The following ARFGEF1 variants were observed in gnomAD, a reference collection of about 807,000 sequenced individuals.
The protein encoded by ARFGEF1 is brefeldin A-inhibited guanine nucleotide-exchange protein 1.
A neutral mutation model predicts 231.0 loss-of-function variants in ARFGEF1; 42 were observed. That is an observed-to-expected ratio of 0.18 (90% CI 0.14 to 0.24). ARFGEF1 has a LOEUF of 0.24. ARFGEF1 is among the 10% of genes least tolerant of loss of function. The pLI is 1.00. For missense variants in ARFGEF1, 1,345 were observed against 2,192.0 expected (o/e 0.61, Z 7.72); for synonymous variants, 710 against 732.3 (o/e 0.97, Z 0.49).
chr8:67,340,216 T>C (rs552649128), intron 1 of ARFGEF1, among the ~76,000 whole-genome samples: 1 of 152,366 alleles, frequency 6.6e-6, no homozygotes, highest in East Asian at 1.9e-4. Flanking sequence ...TGTATTTTCC[T>C]GTTAACTGTC....
At chr8:67,262,498 T>A (rs1377650166) in intron 14 of ARFGEF1, among the ~76,000 whole-genome samples, 1 of 152,240 alleles carries the variant, frequency 6.6e-6, no homozygotes, top group East Asian at 1.9e-4. Context: ...ATTTAGTTTA[T>A]AAAATTGCAG....
Position 67,227,183 on chromosome 8 carries a change from A to T in ARFGEF1, c.3870T>A (p.Asp1290Glu). 1 of 1,613,034 alleles carries T rather than the reference A, an allele frequency of 6.2e-7. No homozygotes were observed. Among genetic ancestry groups the T allele is most frequent in the Non-Finnish European group, 8.5e-7 (1 of 1,179,292 alleles). The change falls in exon 27 of 39, where the codon GAT (aspartate) becomes GAA (glutamate). Residue 1290 changes from aspartate to glutamate, a missense_variant. By Grantham distance (45) the Asp-to-Glu change is conservative (BLOSUM62 2). Around this residue, in one of 14 missense-constraint regions of ARFGEF1, gnomAD observed 142 missense variants for 227.3 expected, o/e 0.62. Coordinates refer to ENST00000262215, the MANE Select transcript of ARFGEF1 (RefSeq NM_006421.5). Reference sequence around the variant, plus strand: ...GGAATGCAAGTTCCACTATGCTTTCATCTTGATCAGATGCAGCTAGATGAA... The same window carrying T: ...GGAATGCAAGTTCCACTATGCTTTCTTCTTGATCAGATGCAGCTAGATGAA... ...SVFHLAASDQ[D>E]ESIVELAFQT...
intron 22 of ARFGEF1, among the ~76,000 whole-genome samples, chr8:67,235,123 C>T (rs539913443): frequency 1.1e-3 from 162 of 147,654 alleles, no homozygotes; most frequent in African/African-American, 3.7e-3. Context: ...CACACACACA[C>T]GTGTCAAAAT....
intron 7 of ARFGEF1, among the ~76,000 whole-genome samples, chr8:67,280,120 G>A (rs1402925652): frequency 6.6e-6 from 1 of 152,144 alleles, no homozygotes; most frequent in East Asian, 1.9e-4. Flanking sequence ...TTAATTTATT[G>A]CCTATGACTG....
At chr8:67,335,137 ACT>A (rs1808284273) in intron 1 of ARFGEF1, among the ~76,000 whole-genome samples, 1 of 127,476 alleles carries the variant, frequency 7.8e-6, no homozygotes, top group African/African-American at 3.1e-5. Context: ...ACAGAGTCTC[ACT>A]CTGTCACCCA....
intron 1 of ARFGEF1, among the ~76,000 whole-genome samples, chr8:67,323,826 A>G (rs56244067): frequency 0.1 from 15,229 of 150,344 alleles, 950 homozygotes; most frequent in African/African-American, 0.18. Context: ...TTTGAGACAG[A>G]GTCTTGCTCT....
intron 1 of ARFGEF1, among the ~76,000 whole-genome samples, chr8:67,305,510 G>A (rs959342078): frequency 6.6e-6 from 1 of 152,104 alleles, no homozygotes. Flanking sequence ...ACCACACCTA[G>A]TTAATTTTGT....
At chr8:67,178,516 C>T (rs1832225178) in intron 5 of ARFGEF1, among the ~76,000 whole-genome samples, 1 of 152,084 alleles carries the variant, frequency 6.6e-6, no homozygotes, top group Non-Finnish European at 1.5e-5. Context: ...TCAAATAAAT[C>T]AATAGTTTTT....
chr8:67,240,374 T>C, intron 19 of ARFGEF1, 84 bp from the exon 20 acceptor site: 5 of 1,272,032 alleles, frequency 3.9e-6, no homozygotes, highest in Non-Finnish European at 5.3e-6. Flanking sequence ...ATACAAGTTC[T>C]GAAAAAAAGA....
chr8:67,247,129 A>AAATC (rs1054746134), intron 19 of ARFGEF1, among the ~76,000 whole-genome samples: 6 of 150,344 alleles, frequency 4.0e-5, no homozygotes, highest in Non-Finnish European at 7.4e-5. Flanking sequence ...AGAAAGCGTG[A>AAATC]AATCTGATGG....
At chr8:67,283,896 A>C (rs922993363) in intron 7 of ARFGEF1, among the ~76,000 whole-genome samples, 4 of 152,226 alleles carry the variant, frequency 2.6e-5, no homozygotes, top group African/African-American at 9.6e-5. Flanking sequence ...AAAATGGCAC[A>C]ACACCTATAA....
At chr8:67,239,002 T>A (rs1426790949) in intron 20 of ARFGEF1, 109 bp from the exon 21 acceptor site, 2 of 889,850 alleles carry the variant, frequency 2.2e-6, no homozygotes, top group Non-Finnish European at 3.1e-6. Context: ...TTTTTTTTTT[T>A]TTTAATTTAT....
rs553905799 is a variant in ARFGEF1 at position 67,327,618 on chromosome 8, C to T, written c.124+15546G>A. Among the ~76,000 whole-genome samples, 10 of 152,320 alleles carry T rather than the reference C, an allele frequency of 6.6e-5. No individual in the cohort carries two copies. In the South Asian group the frequency reaches 1.5e-3, roughly 22 times the overall value. ...TACAGGCGTGAGCCAACGCACCTGG[C>T]CCAATGACATACTTCTAACCACACC... On this transcript the variant is annotated intron_variant, in intron 1 of 38. Coordinates refer to ENST00000262215, the MANE Select transcript of ARFGEF1 (RefSeq NM_006421.5).
chr8:67,196,047 C>T (rs1403152620), downstream of ARFGEF1: 3 of 150,268 alleles, frequency 2.0e-5, no homozygotes, highest in African/African-American at 8.0e-5. Flanking sequence ...ATCAAATGTC[C>T]TATTAATTAA....
chr8:67,268,793 T>C (rs1038834834), intron 10 of ARFGEF1, among the ~76,000 whole-genome samples: 8 of 152,240 alleles, frequency 5.3e-5, no homozygotes, highest in Non-Finnish European at 2.9e-5. Flanking sequence ...CATAGTAGGC[T>C]GTGAAGACAA....
At chr8:67,225,298 T>C (rs190464827) in intron 28 of ARFGEF1, among the ~76,000 whole-genome samples, 19 of 152,332 alleles carry the variant, frequency 1.2e-4, no homozygotes, top group Admixed American at 1.1e-3. Flanking sequence ...GCTTTCTGCA[T>C]TATTAGCCAG....
At chr8:67,257,332 G>A (rs533902114) in intron 17 of ARFGEF1, among the ~76,000 whole-genome samples, 9 of 152,018 alleles carry the variant, frequency 5.9e-5, no homozygotes, top group Non-Finnish European at 8.8e-5. Context: ...CGCCTGTCTC[G>A]GCCACTCAAA....
intron 14 of ARFGEF1, among the ~76,000 whole-genome samples, chr8:67,262,369 T>C (rs1563872147): frequency 6.6e-6 from 1 of 152,156 alleles, no homozygotes; most frequent in Non-Finnish European, 1.5e-5. Flanking sequence ...CTTTAACATA[T>C]GAGTAGCTGC....
Position 67,204,797 on chromosome 8 carries a change from A to G in ARFGEF1, c.4842T>C (p.Phe1614=). Residue 1614 remains phenylalanine, a synonymous_variant, in exon 35 of 39, where the codon TTT becomes TTC. Transcript: ENST00000262215. Reference sequence around the variant, plus strand: ...CAACACATTTAATCAACAGGGCAGCAAACAATTTTTGTTCTGGAAATTCTG... The same window carrying G: ...CAACACATTTAATCAACAGGGCAGCGAACAATTTTTGTTCTGGAAATTCTG... ...STAKFPEQKL[F]AALLIKCVVQ... is the part of the protein sequence containing the mutation. The G allele has an allele frequency of 4.3e-6, 7 of 1,614,016 alleles. No individual in the cohort carries two copies. The highest frequency in any genetic ancestry group is 1.1e-5 in the South Asian group (1 of 91,054).
Sources: allele counts gnomAD v4.1 joint callset (sites outside exome capture counted in the v4.1 genomes callset), GRCh38; gene constraint gnomAD v4.1.1; regional missense constraint gnomAD v4.1.1; transcripts MANE v1.5; gene names NCBI Gene and HGNC (gene_info 2026-07-23, HGNC 2026-07-21).